The following TRIM44 variants were observed in gnomAD, a reference collection of about 807,000 sequenced individuals.
The protein encoded by TRIM44 is tripartite motif-containing protein 44.
Under a neutral mutation model 37.4 loss-of-function variants are expected in TRIM44, and 13 were observed. That is an observed-to-expected ratio of 0.35 (90% CI 0.23 to 0.55). The LOEUF is 0.55. Ranked by LOEUF, TRIM44 falls within the 20% of genes least tolerant of loss-of-function variation. TRIM44 has a pLI of 0.89. For missense variants in TRIM44, 426 were observed against 437.2 expected (o/e 0.97, Z 0.23); for synonymous variants, 175 against 157.2 (o/e 1.11, Z -0.85).
chr11:35,817,062 C>T lies in TRIM44; in HGVS notation c.*10677C>T, dbSNP rs985934938. On this transcript the variant is annotated 3_prime_UTR_variant, in exon 5 of 5. Transcript: ENST00000299413. ...GTAACTCTTTGAAGGTTGTATTAGT[C>T]GTTTGCTCCTATATTACTAATGATG... The T allele has an allele frequency of 2.0e-5, 3 of 152,110 alleles. No individual in the cohort carries two copies. The highest frequency in any genetic ancestry group is 4.8e-5 in the African/African-American group (2 of 41,422). The allele number at this position is 152,110 out of a possible 1,614,324, so 9.4% of individuals were successfully genotyped here. A position where few individuals can be genotyped will look rare whatever the true frequency, so the allele number is the denominator to read the frequency against.
At chr11:35,759,357 C>G (rs1162174247) in intron 4 of TRIM44, among the ~76,000 whole-genome samples, 2 of 152,186 alleles carry the variant, frequency 1.3e-5, no homozygotes, top group Non-Finnish European at 1.5e-5. Flanking sequence ...CCATCAGGTC[C>G]TTTAAGGACC....
At chr11:35,756,387 A>G (rs535169000) in intron 4 of TRIM44, among the ~76,000 whole-genome samples, 436 of 152,332 alleles carry the variant, frequency 2.9e-3, no homozygotes, top group African/African-American at 9.7e-3. Context: ...GTTGCCTATC[A>G]GCTTAAGGAG....
At chr11:35,676,378 A>G (rs1423959665) in intron 1 of TRIM44, among the ~76,000 whole-genome samples, 3 of 152,184 alleles carry the variant, frequency 2.0e-5, no homozygotes, top group South Asian at 2.1e-4. Context: ...CAAACTGTTC[A>G]TCCCCCTCTC....
intron 4 of TRIM44, among the ~76,000 whole-genome samples, chr11:35,803,098 A>G (rs1853391530): frequency 6.6e-6 from 1 of 152,162 alleles, no homozygotes; most frequent in African/African-American, 2.4e-5. Context: ...CGATGAGGAA[A>G]CTGAGATTCA....
chr11:35,663,348 A>G lies in TRIM44; in HGVS notation c.237A>G (p.Glu79=). The G allele has an allele frequency of 6.2e-7, 1 of 1,613,940 alleles. No homozygotes were observed. Among genetic ancestry groups the G allele is most frequent in the Non-Finnish European group, 8.5e-7 (1 of 1,179,960 alleles). Residue 79 remains glutamate (E), a synonymous_variant, in exon 1 of 5, where the codon GAA becomes GAG. Coordinates refer to ENST00000299413, the MANE Select transcript of TRIM44 (RefSeq NM_017583.6). ...PPADGEGAGK[E]EAEVKVEQER... ...CTGACGGAGAGGGGGCGGGGAAGGA[A>G]GAAGCGGAGGTCAAGGTGGAGCAGG...
rs538342519 is a variant in TRIM44 at position 35,725,307 on chromosome 11, A to G, written c.748-617A>G. On this transcript the variant is annotated intron_variant, in intron 2 of 4. Transcript: ENST00000299413. Reference sequence around the variant, plus strand: ...GGAGGATACATACCAAACTATTAACAGTAATTGGGGCGGAGAGGAAGAATT... The same window carrying G: ...GGAGGATACATACCAAACTATTAACGGTAATTGGGGCGGAGAGGAAGAATT... Among the ~76,000 whole-genome samples, 6 of 152,264 alleles carry G rather than the reference A, an allele frequency of 3.9e-5. No homozygotes were observed. The East Asian group carries it at 1.2e-3, about 29-fold the overall frequency.
At chr11:35,735,917 CTTTG>C (rs1040503831) in intron 4 of TRIM44, among the ~76,000 whole-genome samples, 1 of 151,510 alleles carries the variant, frequency 6.6e-6, no homozygotes, top group African/African-American at 2.4e-5. Flanking sequence ...GTATACAAAA[CTTTG>C]TTTAGGAAAA....
At chr11:35,744,842 T>C (rs1235983360) in intron 4 of TRIM44, among the ~76,000 whole-genome samples, 2 of 152,158 alleles carry the variant, frequency 1.3e-5, no homozygotes, top group East Asian at 3.8e-4. Context: ...GTTCCTATGT[T>C]AGTTTCCTGA....
rs187683689 is a variant in TRIM44 at position 35,787,241 on chromosome 11, T to C, written c.1008-19117T>C. Among the ~76,000 whole-genome samples the C allele has an allele frequency of 1.8e-3, 279 of 152,298 alleles. 2 individuals carry two copies. The highest frequency in any genetic ancestry group is 6.4e-3 in the African/African-American group (268 of 41,570). ...TGGCTCTGAAGATTGCTGTCACGCC[T>C]CCTTGCCACCTTGGGTCAGCCAGCG... On this transcript the variant is annotated intron_variant, in intron 4 of 4. Transcript: ENST00000299413.
intron 4 of TRIM44, among the ~76,000 whole-genome samples, chr11:35,762,592 G>GT (rs1462987311): frequency 6.6e-6 from 1 of 152,164 alleles, no homozygotes; most frequent in Non-Finnish European, 1.5e-5. Flanking sequence ...GGGAAATGGT[G>GT]TAGGAGAGTC....
At chr11:35,776,630 AT>A (rs1291342068) in intron 4 of TRIM44, among the ~76,000 whole-genome samples, 1 of 152,322 alleles carries the variant, frequency 6.6e-6, no homozygotes, top group East Asian at 1.9e-4. Context: ...ACTGCTTTAA[AT>A]GTGTCCCAGA....
chr11:35,662,928 T>G lies in TRIM44; in HGVS notation c.-184T>G. On this transcript the variant is annotated 5_prime_UTR_variant, in exon 1 of 5. Transcript: ENST00000299413. ...GAGCAGGCCGAGCCGGCGGAAAGGG[T>G]CTTTGCTGCTGCGCCCGGGCAGGGG... 2 of 1,023,552 alleles carry G rather than the reference T, an allele frequency of 2.0e-6. No homozygotes were observed. The highest frequency in any genetic ancestry group is 2.6e-6 in the Non-Finnish European group (2 of 766,284). 63.4% of individuals were successfully genotyped at this position (1,023,552 alleles called of 1,614,324 possible).
chr11:35,767,251 T>C (rs545619269), intron 4 of TRIM44, among the ~76,000 whole-genome samples: 1 of 152,214 alleles, frequency 6.6e-6, no homozygotes, highest in African/African-American at 2.4e-5. Context: ...GTTATCGGGG[T>C]GCTTCTTTTA....
intron 4 of TRIM44, among the ~76,000 whole-genome samples, chr11:35,768,859 C>T (rs1852829884): frequency 6.6e-6 from 1 of 152,158 alleles, no homozygotes; most frequent in South Asian, 2.1e-4. Context: ...GATTTGAAGA[C>T]TGCAAATTGA....
At chr11:35,759,763 C>G (rs867364111) in intron 4 of TRIM44, among the ~76,000 whole-genome samples, 1 of 152,168 alleles carries the variant, frequency 6.6e-6, no homozygotes, top group Non-Finnish European at 1.5e-5. Flanking sequence ...GAGGTCCACT[C>G]CAGACCCTGT....
At chr11:35,714,748 T>C in intron 2 of TRIM44, among the ~76,000 whole-genome samples, 1 of 152,200 alleles carries the variant, frequency 6.6e-6, no homozygotes, top group Admixed American at 6.5e-5. Context: ...TTCTGTATAG[T>C]TGCCCCTCAA....
At chr11:35,804,280 T>TCC (rs1853417732) in intron 4 of TRIM44, among the ~76,000 whole-genome samples, 1 of 152,170 alleles carries the variant, frequency 6.6e-6, no homozygotes, top group African/African-American at 2.4e-5. Context: ...TCAGACCTTT[T>TCC]CCCCAAGCCA....
At position 35,769,859 on chromosome 11, in the gene TRIM44, A is replaced by G. The variant is rs116212593; in HGVS notation, c.1007+34414A>G. On this transcript the variant is annotated intron_variant, in intron 4 of 4. Transcript: ENST00000299413. Reference sequence around the variant, plus strand: ...AATAACTGCAATGGATGATGTCACCAAAAGTGTCTCCAGCAGGCCTAAGGA... The same window carrying G: ...AATAACTGCAATGGATGATGTCACCGAAAGTGTCTCCAGCAGGCCTAAGGA... Among the ~76,000 whole-genome samples, 259 of 152,380 alleles carry G rather than the reference A, an allele frequency of 1.7e-3. 1 individual carries two copies. Among genetic ancestry groups the G allele is most frequent in the African/African-American group, 5.7e-3 (239 of 41,592 alleles).
chr11:35,775,515 G>A (rs1852944220), intron 4 of TRIM44, among the ~76,000 whole-genome samples: 1 of 152,190 alleles, frequency 6.6e-6, no homozygotes, highest in South Asian at 2.1e-4. Context: ...TGTTGAATAG[G>A]AGTGGTGAGA....
Sources: gnomAD v4.1 joint callset for allele counts (sites outside exome capture counted in the v4.1 genomes callset) on GRCh38, gnomAD v4.1.1 for gene constraint, MANE v1.5 for transcripts, NCBI Gene and HGNC (gene_info 2026-07-23, HGNC 2026-07-21) for gene names.